Variants in BLK observed in about 807,000 individuals in gnomAD.
BLK encodes BLK proto-oncogene, Src family tyrosine kinase.
Under a neutral mutation model 61.8 loss-of-function variants are expected in BLK, and 64 were observed. The observed-to-expected ratio is 1.03, with a 90% CI of 0.85 to 1.27. The LOEUF (loss-of-function observed/expected upper bound fraction) is 1.27, where lower values mean the gene tolerates loss of function less well. BLK is among the 50% of genes most tolerant of loss of function. The probability of loss-of-function intolerance (pLI) is 0.00; values close to 1 mark genes in which losing one functional copy is unlikely to be tolerated. For synonymous variants in BLK, 351 were observed against 272.0 expected, an observed-to-expected ratio of 1.29 and a Z score of -2.86; for missense variants, 853 against 660.5, an observed-to-expected ratio of 1.29 and a Z score of -3.19.
chr8:11,521,353 C>G (rs377210576), intron 1 of BLK, among the ~76,000 whole-genome samples: 1 of 152,148 alleles, frequency 6.6e-6, no homozygotes, highest in Non-Finnish European at 1.5e-5. Context: ...TGCAATGGCA[C>G]CATTATGGCT....
intron 1 of BLK, among the ~76,000 whole-genome samples, chr8:11,508,263 T>C (rs1798861101): frequency 6.6e-6 from 1 of 152,316 alleles, no homozygotes; most frequent in South Asian, 2.1e-4. Context: ...TGCTGGGAAA[T>C]CACCCGTGGC....
chr8:11,531,653 T>C (rs1484732349), intron 1 of BLK, among the ~76,000 whole-genome samples: 1 of 152,218 alleles, frequency 6.6e-6, no homozygotes, highest in African/African-American at 2.4e-5. Context: ...TTGGTTTCTT[T>C]AAGTTTCATA....
At position 11,526,306 on chromosome 8, in the gene BLK, C is replaced by T. The variant is rs555865537; in HGVS notation, c.-1-16918C>T. Among the ~76,000 whole-genome samples the T allele has an allele frequency of 3.1e-3, 471 of 152,210 alleles. 4 individuals carry two copies. The highest frequency in any genetic ancestry group is 4.5e-3 in the Non-Finnish European group (303 of 68,010). On this transcript the variant is annotated intron_variant, in intron 1 of 12. Transcript: ENST00000259089. ...TTTAAATAATATATTTAAATGTTTA[C>T]GTCTCAATTCATTAGCTTTAGGCAG...
rs139047851 is a variant in BLK at position 11,527,026 on chromosome 8, T to G, written c.-1-16198T>G. Among the ~76,000 whole-genome samples the G allele has an allele frequency of 1.3e-3, 196 of 152,314 alleles. 1 individual carries two copies. The highest frequency in any genetic ancestry group is 4.3e-3 in the African/African-American group (178 of 41,582). On this transcript the variant is annotated intron_variant, in intron 1 of 12. Transcript: ENST00000259089. ...GGCTATCCTTATTTCTTATAACTCA[T>G]GTCATTCTTATTTGCAGTTTCGTTA...
At chr8:11,531,101 C>T (rs779014624) in intron 1 of BLK, among the ~76,000 whole-genome samples, 5 of 152,082 alleles carry the variant, frequency 3.3e-5, no homozygotes, top group Admixed American at 6.5e-5. Context: ...CTGACGACAC[C>T]GAACACCTGT....
intron 1 of BLK, among the ~76,000 whole-genome samples, chr8:11,525,189 A>C (rs1405785595): frequency 6.6e-6 from 1 of 152,240 alleles, no homozygotes. Context: ...AGAGGCACAC[A>C]GACGTATTTG....
intron 1 of BLK, among the ~76,000 whole-genome samples, chr8:11,536,801 C>T (rs117544202): frequency 2.0e-5 from 3 of 152,340 alleles, no homozygotes; most frequent in African/African-American, 4.8e-5. Context: ...GTCTGGCTAG[C>T]GTTTTCTCCC....
At chr8:11,512,925 C>T (rs1201808421) in intron 1 of BLK, among the ~76,000 whole-genome samples, 1 of 152,182 alleles carries the variant, frequency 6.6e-6, no homozygotes, top group South Asian at 2.1e-4. Context: ...CTTCGGCCTC[C>T]CAGACTGCTG....
chr8:11,554,415 A>G lies in BLK; in HGVS notation c.473-328A>G, dbSNP rs563474619. Among the ~76,000 whole-genome samples the G allele has an allele frequency of 3.3e-5, 5 of 152,246 alleles. No individual in the cohort carries two copies. The East Asian group carries it at 9.7e-4, about 30-fold the overall frequency. On this transcript the variant is annotated intron_variant, in intron 6 of 12. Transcript: ENST00000259089. ...CTAGATTTCTCAATAGTCCATGACA[A>G]AGGGTCCCCGAGTGACCAGATGCCC... is the stretch of plus-strand genomic sequence containing the variant.
At position 11,564,417 on chromosome 8, in the gene BLK, A is replaced by T. The variant is rs1158878049; in HGVS notation, c.*309A>T. 1.6e-6 allele frequency: 1 copy of T among 606,536 alleles called. No homozygotes were observed. Among genetic ancestry groups the T allele is most frequent in the East Asian group, 3.5e-5 (1 of 28,772 alleles). 37.6% of individuals were successfully genotyped at this position (606,536 alleles called of 1,614,324 possible). A position where few individuals can be genotyped will look rare whatever the true frequency, so the allele number is the denominator to read the frequency against. ...GACTGGTAAGCGACTGTCATCAAGTAAGGCCCCCGTGCTGGGCACCCCCCG... is the reference window on the plus strand; with the variant it reads ...GACTGGTAAGCGACTGTCATCAAGTTAGGCCCCCGTGCTGGGCACCCCCCG... On this transcript the variant is annotated 3_prime_UTR_variant, in exon 13 of 13. Transcript: ENST00000259089.
At chr8:11,517,177 G>C (rs1585342345) in intron 1 of BLK, among the ~76,000 whole-genome samples, 1 of 152,194 alleles carries the variant, frequency 6.6e-6, no homozygotes, top group Non-Finnish European at 1.5e-5. Flanking sequence ...ATCCTGGAAA[G>C]AATGAAGGTG....
At chr8:11,559,691 C>G in intron 10 of BLK, 1 of 454,028 alleles carries the variant, frequency 2.2e-6, no homozygotes, top group Non-Finnish European at 4.4e-6. Context: ...ATCCCTCGGG[C>G]CCCACTTTGC....
At chr8:11,536,675 G>T (rs911528391) in intron 1 of BLK, among the ~76,000 whole-genome samples, 3 of 152,148 alleles carry the variant, frequency 2.0e-5, no homozygotes, top group African/African-American at 7.2e-5. Flanking sequence ...GCAAGTGCTG[G>T]GATTACAGGC....
At chr8:11,540,984 G>C (rs1800353232) in intron 1 of BLK, among the ~76,000 whole-genome samples, 1 of 152,310 alleles carries the variant, frequency 6.6e-6, no homozygotes, top group Non-Finnish European at 1.5e-5. Flanking sequence ...TAGCAAATAG[G>C]GCCGAGTGTG....
rs76589430 is a variant in BLK, at chr8:11,539,683, G to A, written c.-1-3541G>A. 2.5e-4 allele frequency among the ~76,000 whole-genome samples: 38 copies of A among 152,146 alleles called. No homozygotes were observed. The East Asian group carries it at 7.1e-3, about 29-fold the overall frequency. ...GTTTTGTCTAATAAATATTTATTAA[G>A]CCCACACTCTGTGCCAGACATTGGT... is the stretch of plus-strand genomic sequence containing the variant. On this transcript the variant is annotated intron_variant, in intron 1 of 12. Transcript: ENST00000259089.
chr8:11,537,597 C>T (rs1486393167), intron 1 of BLK, among the ~76,000 whole-genome samples: 1 of 152,218 alleles, frequency 6.6e-6, no homozygotes, highest in Admixed American at 6.5e-5. Context: ...AGGGCTCAAG[C>T]AGCCCTGGAG....
chr8:11,535,592 G>T (rs1800103670), intron 1 of BLK, among the ~76,000 whole-genome samples: 1 of 152,218 alleles, frequency 6.6e-6, no homozygotes, highest in African/African-American at 2.4e-5. Context: ...AGTGTGGAAG[G>T]ACTGATGGAA....
chr8:11,561,294 T>G lies in BLK; in HGVS notation c.1030-8T>G. On this transcript the variant is annotated splice_polypyrimidine_tract_variant and splice_region_variant and intron_variant, in intron 10 of 12. Transcript: ENST00000259089. ...AGGCTGTCCTTCACCATGTGCCTGT[T>G]CCCTCAGATTGCTGAAGGGATGGCA... The G allele has an allele frequency of 6.2e-7, 1 of 1,612,488 alleles. No individual in the cohort carries two copies. Among genetic ancestry groups the G allele is most frequent in the Non-Finnish European group, 8.5e-7 (1 of 1,179,272 alleles).
Position 11,562,962 on chromosome 8 carries a change from C to CT in BLK, c.1181-17_1181-16insT. ...ACCGGCCGTGGCCTCCCAAAGCTTG[C>CT]ATGGCTTTTCCCACAGGGGCCAAGT... On this transcript the variant is annotated splice_polypyrimidine_tract_variant and intron_variant, in intron 11 of 12. Transcript: ENST00000259089. The CT allele has an allele frequency of 6.2e-7, 1 of 1,613,946 alleles. No homozygotes were observed. Among genetic ancestry groups the CT allele is most frequent in the Non-Finnish European group, 8.5e-7 (1 of 1,179,990 alleles).
Sources: allele counts gnomAD v4.1 joint callset (sites outside exome capture counted in the v4.1 genomes callset), GRCh38; gene constraint gnomAD v4.1.1; transcripts MANE v1.5; gene names NCBI Gene and HGNC (gene_info 2026-07-23, HGNC 2026-07-21).